The following ACO1 variants were observed in gnomAD, a reference collection of about 807,000 sequenced individuals.
ACO1 encodes the protein aconitase 1.
ACO1 carries 78 observed loss-of-function variants against 105.1 expected under a neutral mutation model. That is an observed-to-expected ratio of 0.74 (90% CI 0.62 to 0.90). The LOEUF is 0.90. ACO1 is among the 40% of genes least tolerant of loss of function. ACO1 has a pLI of 0.00. For synonymous variants in ACO1, 364 were observed against 397.4 expected (o/e 0.92, Z 1.00); for missense variants, 965 against 1,111.1 (o/e 0.87, Z 1.87).
chr9:32,428,437 A>G (rs1397161552), intron 12 of ACO1, among the ~76,000 whole-genome samples: 1 of 152,000 alleles, frequency 6.6e-6, no homozygotes, highest in Non-Finnish European at 1.5e-5. Flanking sequence ...CTGTGATAAT[A>G]ATGCCTCCTG....
At position 32,433,915 on chromosome 9, in the gene ACO1, T is replaced by C. The variant is rs754095382; in HGVS notation, c.1956+83T>C. ...TATCTACTTTATTACCCCATGCTCT[T>C]GCTTTGACTACCCATTTTATTAAAC... On this transcript the variant is annotated intron_variant, in intron 16 of 20. Transcript: ENST00000309951. 3 of 1,104,446 alleles carry C rather than the reference T, an allele frequency of 2.7e-6. No homozygotes were observed. The South Asian group carries it at 4.6e-5, about 17-fold the overall frequency. The allele number at this position is 1,104,446 out of a possible 1,614,324, so 68.4% of individuals were successfully genotyped here.
chr9:32,429,340 C>G (rs1332952806), intron 12 of ACO1, 79 bp from the exon 13 acceptor site: 1 of 1,352,494 alleles, frequency 7.4e-7, no homozygotes, highest in Admixed American at 1.7e-5. Context: ...ACAGTGGTCT[C>G]TGGAAACTGT....
intron 9 of ACO1, 91 bp from the exon 10 acceptor site, chr9:32,424,458 T>C: frequency 1.2e-6 from 1 of 809,982 alleles, no homozygotes; most frequent in Non-Finnish European, 2.0e-6. Flanking sequence ...ATTTTTATGG[T>C]TGTCATGTTT....
intron 14 of ACO1, 69 bp from the exon 15 acceptor site, chr9:32,431,650 C>G: frequency 6.4e-7 from 1 of 1,566,810 alleles, no homozygotes. Flanking sequence ...GAGAACGAGG[C>G]TTGACTCTGT....
At chr9:32,418,641 CT>C (rs1425400550) in intron 6 of ACO1, 130 bp downstream of exon 6, 11 of 1,070,416 alleles carry the variant, frequency 1.0e-5, no homozygotes, top group African/African-American at 4.8e-5. Flanking sequence ...TTTGTCACTG[CT>C]GTTTTTCCAG....
In ACO1 at chr9:32,430,487, C is replaced by CG; in HGVS notation, c.1642dup (p.Ala548GlyfsTer24). On this transcript the variant is annotated frameshift_variant, in exon 14 of 21. Transcript: ENST00000309951. LOFTEE classifies it high-confidence loss of function. ...TGAAGGTCGAGTTCACCCCAACACC[C>CG]GGGCCAACTATTTAGCCTCTCCCCC... The CG allele has an allele frequency of 6.2e-7, 1 of 1,612,312 alleles. No homozygotes were observed. The highest frequency in any genetic ancestry group is 8.5e-7 in the Non-Finnish European group (1 of 1,179,378).
intron 4 of ACO1, among the ~76,000 whole-genome samples, chr9:32,417,635 C>G (rs117322667): frequency 2.0e-5 from 3 of 152,208 alleles, no homozygotes; most frequent in Non-Finnish European, 4.4e-5. Flanking sequence ...GTCCTACACA[C>G]AGGAGATTGT....
intron 1 of ACO1, among the ~76,000 whole-genome samples, chr9:32,401,344 C>T (rs1821491623): frequency 6.6e-6 from 1 of 151,188 alleles, no homozygotes; most frequent in Admixed American, 6.6e-5. Context: ...TTTTTTTTTC[C>T]CCCTGAGGGA....
chr9:32,413,660 T>C (rs1209940464), intron 4 of ACO1, among the ~76,000 whole-genome samples: 1 of 152,144 alleles, frequency 6.6e-6, no homozygotes, highest in Non-Finnish European at 1.5e-5. Context: ...TTCCAGCTCT[T>C]TCTGGAAATG....
Position 32,407,355 on chromosome 9 carries a change from A to G in ACO1, c.192A>G (p.Leu64=), listed in dbSNP as rs1821634408. The change falls in exon 3 of 21, where the codon CTA becomes CTG. Residue 64 remains leucine (L), a synonymous_variant. Transcript: ENST00000309951. ...LVKKQDIENI[L]HWNVTQHKNI... ...AGAAACAGGATATTGAAAATATTCT[A>G]CATTGGAATGTCACGCAGCACAAGA... 1.2e-6 allele frequency: 2 copies of G among 1,614,064 alleles called. No homozygotes were observed. Among genetic ancestry groups the G allele is most frequent in the African/African-American group, 1.3e-5 (1 of 74,930 alleles).
intron 1 of ACO1, among the ~76,000 whole-genome samples, chr9:32,398,656 C>T (rs1015656163): frequency 1.1e-4 from 16 of 151,612 alleles, no homozygotes; most frequent in African/African-American, 3.9e-4. Context: ...TGCAGTGGCA[C>T]AATCACAGCT....
chr9:32,450,094 C>T lies in ACO1; in HGVS notation c.2653C>T (p.Arg885Cys), dbSNP rs112153542. ...LNGGILNYMI[R>C]KMAK ...CGGGGGCATCCTCAACTACATGATC[C>T]GCAAGATGGCCAAGTAGGAGACGTG... Residue 885 changes from arginine to cysteine, a missense_variant, in exon 21 of 21, where the codon CGC becomes TGC. By Grantham distance (180) the Arg-to-Cys change is radical. Coordinates refer to ENST00000309951, the MANE Select transcript of ACO1 (RefSeq NM_002197.3). 213 of 1,613,552 alleles carry T rather than the reference C, an allele frequency of 1.3e-4. 1 individual carries two copies. The highest frequency in any genetic ancestry group is 5.4e-4 in the East Asian group (24 of 44,846).
chr9:32,418,918 A>C lies in ACO1; in HGVS notation c.659-120A>C, dbSNP rs750326306. The stretch of plus-strand genomic sequence containing the variant: ...AATAACTGCTCTTTATAGAAACATG[A>C]CTCTGCACCAATTAAACGTTGTAAC... On this transcript the variant is annotated intron_variant, in intron 6 of 20. Transcript: ENST00000309951. 6.6e-6 allele frequency: 8 copies of C among 1,220,282 alleles called. No individual in the cohort carries two copies. The Admixed American group carries it at 2.1e-4, about 32-fold the overall frequency. 75.6% of individuals were successfully genotyped at this position (1,220,282 alleles called of 1,614,324 possible).
At chr9:32,418,098 T>C (rs1821890048) in intron 4 of ACO1, 30 bp from the exon 5 acceptor site, 4 of 1,604,230 alleles carry the variant, frequency 2.5e-6, no homozygotes, top group South Asian at 1.1e-5. Context: ...AAGTCTCAAA[T>C]TGTATACATT....
At chr9:32,390,913 C>CA (rs1304092619) in intron 1 of ACO1, among the ~76,000 whole-genome samples, 109 of 152,302 alleles carry the variant, frequency 7.2e-4, no homozygotes, top group Admixed American at 7.1e-3. Context: ...CACCTCCCCC[C>CA]ACCAGGCGAA....
At chr9:32,412,563 A>G (rs999212786) in intron 4 of ACO1, among the ~76,000 whole-genome samples, 1 of 152,202 alleles carries the variant, frequency 6.6e-6, no homozygotes, top group East Asian at 1.9e-4. Context: ...AGATAAATTC[A>G]GGATAAAGAG....
chr9:32,436,208 C>T, intron 17 of ACO1, 42 bp from the exon 18 acceptor site: 1 of 1,612,806 alleles, frequency 6.2e-7, no homozygotes, highest in Non-Finnish European at 8.5e-7. Flanking sequence ...TTAATCTTTG[C>T]TTGCTTCACT....
chr9:32,405,440 C>A (rs1377911131), intron 1 of ACO1, 45 bp from the exon 2 acceptor site: 1 of 1,195,968 alleles, frequency 8.4e-7, no homozygotes, highest in African/African-American at 1.5e-5. Flanking sequence ...TTCTAGGTCC[C>A]AGACCTCTTA....
intron 2 of ACO1, among the ~76,000 whole-genome samples, chr9:32,406,824 C>T (rs766345331): frequency 1.2e-4 from 19 of 152,308 alleles, no homozygotes; most frequent in Non-Finnish European, 2.5e-4. Flanking sequence ...TGCTCTGTCG[C>T]CAGGCTGGAG....
Sources: gnomAD v4.1 joint callset for allele counts (sites outside exome capture counted in the v4.1 genomes callset) on GRCh38, gnomAD v4.1.1 for gene constraint, MANE v1.5 for transcripts, NCBI Gene and HGNC (gene_info 2026-07-23, HGNC 2026-07-21) for gene names.